ACOX3: variants seen among roughly 807,000 people sequenced by gnomAD.
ACOX3 encodes the protein acyl-CoA oxidase 3, pristanoyl, also known as peroxisomal acyl-coenzyme A oxidase 3.
ACOX3 carries 73 observed loss-of-function variants against 81.5 expected under a neutral mutation model. That is an observed-to-expected ratio of 0.90 (90% CI 0.74 to 1.09). The LOEUF is 1.09. ACOX3 is among the 50% of genes least tolerant of loss of function. ACOX3 has a pLI of 0.00. For synonymous variants in ACOX3, 387 were observed against 375.1 expected, an observed-to-expected ratio of 1.03 and a Z score of -0.37; for missense variants, 947 against 928.0, an observed-to-expected ratio of 1.02 and a Z score of -0.27.
intron 13 of ACOX3, among the ~76,000 whole-genome samples, chr4:8,383,159 G>T (rs1717908430): frequency 6.6e-6 from 1 of 152,244 alleles, no homozygotes; most frequent in Non-Finnish European, 1.5e-5. Flanking sequence ...GCTTGCCGGA[G>T]GTCTCAGCTC....
chr4:8,416,051 C>T lies in ACOX3; in HGVS notation c.145-52G>A, dbSNP rs748188252. ...TTATTTGGAGTAAAAGATGGACTCT[C>T]CATGTGCCCTTATATAGTTGACCTC... is the stretch of plus-strand genomic sequence containing the variant. On this transcript the variant is annotated intron_variant, in intron 2 of 17. Coordinates refer to ENST00000356406, the MANE Select transcript of ACOX3 (RefSeq NM_003501.3). The surrounding 1 kb of genome is among the most constrained non-coding windows in gnomAD (Gnocchi z 4.2). The T allele has an allele frequency of 1.3e-6, 2 of 1,557,326 alleles. No homozygotes were observed. Among genetic ancestry groups the T allele is most frequent in the East Asian group, 2.2e-5 (1 of 44,486 alleles).
At position 8,415,947 on chromosome 4, in the gene ACOX3, C is replaced by A; in HGVS notation, c.197G>T (p.Gly66Val). ...ATACTTCTCCAAGGACAGATCGGCT[C>A]CAGGGGAACGAGCGAAAAGAGGGTC... The part of the protein sequence containing the change: ...ENDPLFARSP[G>V]ADLSLEKYRE... The change falls in exon 3 of 18, where the codon GGA becomes GTA. Residue 66 changes from glycine (G) to valine (V), a missense_variant. Physicochemically the swap from Gly to Val is moderately radical, Grantham distance 109. Coordinates refer to ENST00000356406, the MANE Select transcript of ACOX3 (RefSeq NM_003501.3). 2 of 1,614,148 alleles carry A rather than the reference C, an allele frequency of 1.2e-6. No homozygotes were observed. The highest frequency in any genetic ancestry group is 1.7e-6 in the Non-Finnish European group (2 of 1,180,034).
Position 8,405,607 on chromosome 4 carries a change from C to A in ACOX3, c.776+348G>T, listed in dbSNP as rs908373696. Among the ~76,000 whole-genome samples the A allele has an allele frequency of 6.6e-6, 1 of 152,176 alleles. No individual in the cohort carries two copies. Among genetic ancestry groups the A allele is most frequent in the African/African-American group, 2.4e-5 (1 of 41,440 alleles). ...AGCATGGATGTGTGCAGAGGCCGAG[C>A]CGGGGGAGGCTCAGGATGCTGAGGA... On this transcript the variant is annotated intron_variant, in intron 7 of 17. Coordinates refer to ENST00000356406, the MANE Select transcript of ACOX3 (RefSeq NM_003501.3). This position sits in a 1 kb window ranked among gnomAD's most constrained non-coding sequence, Gnocchi z 7.1.
At chr4:8,427,244 G>A (rs918094123) in intron 1 of ACOX3, among the ~76,000 whole-genome samples, 1 of 152,220 alleles carries the variant, frequency 6.6e-6, no homozygotes, top group African/African-American at 2.4e-5. Context: ...GAGGGACAAT[G>A]ATCAGGATAT....
At chr4:8,401,502 G>A (rs994570607) in intron 7 of ACOX3, among the ~76,000 whole-genome samples, 2 of 152,054 alleles carry the variant, frequency 1.3e-5, no homozygotes, top group Admixed American at 6.5e-5. Flanking sequence ...CTAGGACCCA[G>A]CACCTCCATC....
At position 8,407,639 on chromosome 4, in the gene ACOX3, G is replaced by A. The variant is rs1721145246; in HGVS notation, c.688-1596C>T. Among the ~76,000 whole-genome samples, 1 of 152,238 alleles carries A rather than the reference G, an allele frequency of 6.6e-6. No homozygotes were observed. The highest frequency in any genetic ancestry group is 2.1e-4 in the South Asian group (1 of 4,832). On this transcript the variant is annotated intron_variant, in intron 6 of 17. Transcript: ENST00000356406. The surrounding 1 kb of genome is among the most constrained non-coding windows in gnomAD (Gnocchi z 4.6). ...AGGACGTCGGGAATTTCATATTCACGTTTTAGACACAGGACTCCCTGCTAG... is the reference window on the plus strand; with the variant it reads ...AGGACGTCGGGAATTTCATATTCACATTTTAGACACAGGACTCCCTGCTAG...
rs186764759 is a variant in ACOX3 at position 8,398,756 on chromosome 4, G to A, written c.873+800C>T. ...CTCCCACAGTGCTAGGGTTACGGGC[G>A]TGAGCCACTGCACCCAGCCTTCATT... is the stretch of plus-strand genomic sequence containing the variant. On this transcript the variant is annotated intron_variant, in intron 8 of 17. Coordinates refer to ENST00000356406, the MANE Select transcript of ACOX3 (RefSeq NM_003501.3). Among the ~76,000 whole-genome samples, 4 of 152,322 alleles carry A rather than the reference G, an allele frequency of 2.6e-5. No homozygotes were observed. The East Asian group carries it at 5.8e-4, about 22-fold the overall frequency.
intron 7 of ACOX3, among the ~76,000 whole-genome samples, chr4:8,401,796 C>T (rs537920473): frequency 6.6e-6 from 1 of 152,338 alleles, no homozygotes; most frequent in South Asian, 2.1e-4. Context: ...TGTGGTGCCC[C>T]GTCCACCAGG....
chr4:8,393,625 A>G (rs1719307812), intron 10 of ACOX3, among the ~76,000 whole-genome samples: 1 of 119,792 alleles, frequency 8.3e-6, no homozygotes, highest in African/African-American at 3.3e-5. Flanking sequence ...GCACACACAC[A>G]CACACACACA....
In ACOX3 at chr4:8,375,099, C is replaced by A. The variant is rs764988136; in HGVS notation, c.1707G>T (p.Gln569His). Residue 569 changes from glutamine (Q) to histidine (H), a missense_variant, in exon 15 of 18, where the codon CAG becomes CAT. Transcript: ENST00000356406. ...GCTGGTGCACGTGCTCGTGGAACCT[C>A]TGGACCACCGTGAGCTCCACGAAGG... ...ALAFVELTVV[Q>H]RFHEHVHQPS... 1.3e-6 allele frequency: 2 copies of A among 1,554,494 alleles called. 1 individual carries two copies. The highest frequency in any genetic ancestry group is 2.4e-5 in the South Asian group (2 of 84,296).
chr4:8,379,330 A>G (rs1307445141), intron 14 of ACOX3, among the ~76,000 whole-genome samples: 1 of 152,092 alleles, frequency 6.6e-6, no homozygotes, highest in Non-Finnish European at 1.5e-5. Flanking sequence ...CAGCTATCAC[A>G]AATGTCCCCT....
Position 8,382,482 on chromosome 4 carries a change from C to T in ACOX3, c.1538-875G>A, listed in dbSNP as rs1404183604. Among the ~76,000 whole-genome samples the T allele has an allele frequency of 6.6e-6, 1 of 152,124 alleles. No homozygotes were observed. The highest frequency in any genetic ancestry group is 1.5e-5 in the Non-Finnish European group (1 of 68,010). On this transcript the variant is annotated intron_variant, in intron 13 of 17. Coordinates refer to ENST00000356406, the MANE Select transcript of ACOX3 (RefSeq NM_003501.3). This position sits in a 1 kb window ranked among gnomAD's most constrained non-coding sequence, Gnocchi z 4.1. ...GTGCAGACCACCCACATGTGGAGGC[C>T]ACGCTCACACCCACCCCCTGCCCAG...
rs1329244206 is a variant in ACOX3, at chr4:8,370,514, G to A, written c.1983+394C>T. Among the ~76,000 whole-genome samples, 1 of 149,674 alleles carries A rather than the reference G, an allele frequency of 6.7e-6. No homozygotes were observed. Among genetic ancestry groups the A allele is most frequent in the Admixed American group, 6.6e-5 (1 of 15,170 alleles). On this transcript the variant is annotated intron_variant, in intron 17 of 17. Transcript: ENST00000356406. The surrounding 1 kb of genome is among the most constrained non-coding windows in gnomAD (Gnocchi z 6.3). ...GGGACAGAGGGGCCTGGGGATTCCA[G>A]GACAGGGATGGGGGAAGAGGCCTGC...
chr4:8,434,048 A>AAAT (rs57635365), intron 1 of ACOX3, among the ~76,000 whole-genome samples: 155 of 151,564 alleles, frequency 1.0e-3, no homozygotes, highest in Non-Finnish European at 1.2e-3. Flanking sequence ...CTAGGAGTTA[A>AAAT]AATAATAATA....
the ACOX3 span, among the ~76,000 whole-genome samples, chr4:8,360,674 G>T: frequency 0.24 from 35,814 of 152,038 alleles, 4,945 homozygotes; most frequent in East Asian, 0.5. Context: ...GGGTTTCACT[G>T]TGTTAGCCAG....
intron 6 of ACOX3, 30 bp downstream of exon 6, chr4:8,410,182 C>T: frequency 6.2e-7 from 1 of 1,604,484 alleles, no homozygotes; most frequent in Non-Finnish European, 8.5e-7. Context: ...GTAAACACTG[C>T]CCCCACTGAG....
Position 8,373,613 on chromosome 4 carries a change from C to A in ACOX3, c.1844G>T (p.Gly615Val). Residue 615 changes from glycine (G) to valine (V), a missense_variant, in exon 16 of 18, where the codon GGT becomes GTT. Transcript: ENST00000356406. The stretch of plus-strand genomic sequence containing the variant: ...CTCCAACACTTCTCCCGCCTGCTCA[C>A]CGGAGAAGTATCCTCCTGCAAGCAC... ...ALLYRGGYFS[G>V]EQAGEVLESA... The A allele has an allele frequency of 1.2e-6, 2 of 1,612,980 alleles. No homozygotes were observed. Among genetic ancestry groups the A allele is most frequent in the Non-Finnish European group, 1.7e-6 (2 of 1,179,496 alleles).
At chr4:8,391,013 G>GTGTATATGTATGTGTATGTGTATA (rs1718922410) in intron 11 of ACOX3, among the ~76,000 whole-genome samples, 1 of 129,144 alleles carries the variant, frequency 7.7e-6, no homozygotes, top group Non-Finnish European at 1.7e-5. Context: ...GTATATGTAT[G>GTGTATATGTATGTGTATGTGTATA]TGTATATGTA....
At chr4:8,388,160 C>T (rs1578893242) in intron 13 of ACOX3, among the ~76,000 whole-genome samples, 1 of 144,094 alleles carries the variant, frequency 6.9e-6, no homozygotes, top group South Asian at 2.2e-4. Context: ...CCATGGCTGC[C>T]CCCGCCTTTC....
Sources: allele counts gnomAD v4.1 joint callset (sites outside exome capture counted in the v4.1 genomes callset), GRCh38; gene constraint gnomAD v4.1.1; non-coding constraint Gnocchi (gnomAD v3.1); transcripts MANE v1.5; gene names NCBI Gene and HGNC (gene_info 2026-07-23, HGNC 2026-07-21).